DIP2A: variants seen among roughly 807,000 people sequenced by gnomAD.
DIP2A encodes the protein disco-interacting protein 2 homolog A.
Under a neutral mutation model 177.4 loss-of-function variants are expected in DIP2A, and 85 were observed. The observed-to-expected ratio is 0.48, with a 90% confidence interval of 0.40 to 0.57. The LOEUF (loss-of-function observed/expected upper bound fraction) is 0.57, where lower values mean the gene tolerates loss of function less well. DIP2A is among the 20% of genes least tolerant of loss of function. DIP2A has a pLI of 0.00. For missense variants in DIP2A, 1,791 were observed against 2,100.2 expected (o/e 0.85, Z 2.88); for synonymous variants, 886 against 881.8 (o/e 1.00, Z -0.08).
intron 1 of DIP2A, among the ~76,000 whole-genome samples, chr21:46,470,101 G>A (rs1318594203): frequency 6.6e-6 from 1 of 152,176 alleles, no homozygotes; most frequent in Non-Finnish European, 1.5e-5. Context: ...TCTTTGGGAG[G>A]CCAAGGCAGG....
chr21:46,466,954 T>TA (rs1350315860), intron 1 of DIP2A, among the ~76,000 whole-genome samples: 9 of 152,154 alleles, frequency 5.9e-5, no homozygotes, highest in Admixed American at 5.2e-4. Context: ...TTATTTTTAG[T>TA]AAAAAATATT....
At chr21:46,483,663 T>C (rs543343065) in intron 1 of DIP2A, among the ~76,000 whole-genome samples, 1 of 152,226 alleles carries the variant, frequency 6.6e-6, no homozygotes, top group Admixed American at 6.5e-5. Context: ...TGTCAGTCTG[T>C]TCACACAACA....
At chr21:46,473,144 C>T (rs896332322) in intron 1 of DIP2A, among the ~76,000 whole-genome samples, 4 of 152,022 alleles carry the variant, frequency 2.6e-5, no homozygotes, top group African/African-American at 7.3e-5. Context: ...CCACTGCTCT[C>T]GACAAAGGAG....
intron 8 of DIP2A, among the ~76,000 whole-genome samples, chr21:46,527,069 T>C (rs1474110233): frequency 2.0e-5 from 3 of 152,362 alleles, no homozygotes; most frequent in Middle Eastern, 3.4e-3. Flanking sequence ...TTTAAAATCA[T>C]GAATGATTTA....
intron 4 of DIP2A, among the ~76,000 whole-genome samples, chr21:46,497,988 G>A (rs2057446053): frequency 6.6e-6 from 1 of 152,196 alleles, no homozygotes. Flanking sequence ...AAACCTTAAT[G>A]TACAGTTAAT....
rs561931609 is a variant in DIP2A at position 46,462,704 on chromosome 21, C to CTTGGTAGGTTGGAAGAAGAAGCT, written c.91+3484_91+3506dup. 917 of 152,252 alleles carry CTTGGTAGGTTGGAAGAAGAAGCT rather than the reference C, an allele frequency of 6.0e-3. 9 individuals carry two copies. The highest frequency in any genetic ancestry group is 0.021 in the African/African-American group (881 of 41,540). 9.4% of individuals were successfully genotyped at this position (152,252 alleles called of 1,614,324 possible). ...CTAAAACTTAAGAGTTGTCACTGTGCTTGGTAGGTTGGAAGAAGAAGCTTA... is the reference window on the plus strand; with the variant it reads ...CTAAAACTTAAGAGTTGTCACTGTGCTTGGTAGGTTGGAAGAAGAAGCTTTGGTAGGTTGGAAGAAGAAGCTTA... On this transcript the variant is annotated intron_variant, in intron 1 of 37. Coordinates refer to ENST00000417564, the MANE Select transcript of DIP2A (RefSeq NM_015151.4).
chr21:46,489,622 C>T (rs2056893749), intron 2 of DIP2A, among the ~76,000 whole-genome samples: 1 of 152,184 alleles, frequency 6.6e-6, no homozygotes. Flanking sequence ...CACTGACCTG[C>T]CCAGGTTTGA....
At position 46,554,264 on chromosome 21, in the gene DIP2A, G is replaced by A; in HGVS notation, c.3126G>A (p.Gly1042=). The A allele has an allele frequency of 6.2e-7, 1 of 1,613,918 alleles. No homozygotes were observed. The highest frequency in any genetic ancestry group is 8.5e-7 in the Non-Finnish European group (1 of 1,179,842). The change falls in exon 26 of 38, where the codon GGG becomes GGA. Residue 1042 remains glycine (G), a synonymous_variant. Coordinates refer to ENST00000417564, the MANE Select transcript of DIP2A (RefSeq NM_015151.4). ...TGGAGAAGGGAAGACTGAGTGTTGG[G>A]GACCATGTGGCTCTGGTCTACCCAC... ...ALMEKGRLSV[G]DHVALVYPPG...
At chr21:46,571,150 G>A (rs2060959538), downstream of DIP2A, among the ~76,000 whole-genome samples, 1 of 152,198 alleles carries the variant, frequency 6.6e-6, no homozygotes, top group Non-Finnish European at 1.5e-5. Flanking sequence ...AGGCATGCAA[G>A]CCTTCTTATG....
At chr21:46,480,543 G>A (rs765203101) in intron 1 of DIP2A, among the ~76,000 whole-genome samples, 7 of 152,160 alleles carry the variant, frequency 4.6e-5, no homozygotes, top group African/African-American at 1.4e-4. Flanking sequence ...CTGTCTAGTC[G>A]TGGCAGCTGT....
At chr21:46,472,622 G>A (rs2055491211) in intron 1 of DIP2A, among the ~76,000 whole-genome samples, 1 of 152,220 alleles carries the variant, frequency 6.6e-6, no homozygotes, top group South Asian at 2.1e-4. Context: ...TGAAGACAAA[G>A]GGAGGTGAAC....
chr21:46,464,953 ATTC>A (rs1322879707), intron 1 of DIP2A, among the ~76,000 whole-genome samples: 1 of 150,364 alleles, frequency 6.7e-6, no homozygotes, highest in Non-Finnish European at 1.5e-5. Flanking sequence ...AATGATGATA[ATTC>A]TTCTGAACAC....
In DIP2A at chr21:46,549,850, G is replaced by T. The variant is rs750745306; in HGVS notation, c.2602G>T (p.Glu868Ter). 1.2e-6 allele frequency: 2 copies of T among 1,612,862 alleles called. No homozygotes were observed. Among genetic ancestry groups the T allele is most frequent in the Non-Finnish European group, 1.7e-6 (2 of 1,179,984 alleles). Residue 868 changes from glutamate (E) to a stop codon, truncating the protein, a stop_gained, in exon 22 of 38, where the codon GAG becomes TAG. Coordinates refer to ENST00000417564, the MANE Select transcript of DIP2A (RefSeq NM_015151.4). LOFTEE classifies it high-confidence loss of function. Reference protein sequence around the residue: ...VAEQRPDASEEDSFQWMSRVL... With the variant: ...VAEQRPDASE Reference sequence around the variant, plus strand: ...TGAGCAGCGGCCGGATGCCTCGGAGGAGGACAGCTTCCAGTGGATGAGCCG... The same window carrying T: ...TGAGCAGCGGCCGGATGCCTCGGAGTAGGACAGCTTCCAGTGGATGAGCCG...
chr21:46,532,698 G>T (rs1456592870), intron 10 of DIP2A, among the ~76,000 whole-genome samples: 1 of 152,072 alleles, frequency 6.6e-6, no homozygotes, highest in African/African-American at 2.4e-5. Context: ...TAAACGAGAT[G>T]GAAATTATCT....
At chr21:46,480,221 C>T (rs1479612960) in intron 1 of DIP2A, among the ~76,000 whole-genome samples, 1 of 152,104 alleles carries the variant, frequency 6.6e-6, no homozygotes, top group Non-Finnish European at 1.5e-5. Flanking sequence ...GGAGGCCTCA[C>T]AATCATGGCA....
chr21:46,497,212 T>A (rs1339169734), intron 4 of DIP2A, 105 bp downstream of exon 4: 7 of 1,368,224 alleles, frequency 5.1e-6, no homozygotes, highest in Non-Finnish European at 6.8e-6. Context: ...TGGCCTGTAG[T>A]ATAGATTGGA....
In DIP2A at chr21:46,567,499, G is replaced by A. The variant is rs146953731; in HGVS notation, c.4593G>A (p.Val1531=). The A allele has an allele frequency of 0.012, 19,429 of 1,613,942 alleles. 145 individuals carry two copies. Among genetic ancestry groups the A allele is most frequent in the Middle Eastern group, 0.021 (129 of 6,062 alleles). Residue 1531 remains valine, a synonymous_variant, in exon 38 of 38, where the codon GTG becomes GTA. Coordinates refer to ENST00000417564, the MANE Select transcript of DIP2A (RefSeq NM_015151.4). ...AGGAGCACTACCTGGTCGTGGGAGT[G>A]GTGGTCATCGTGGACCCAGGGGTGA... The part of the protein sequence containing the change: ...VLEEHYLVVG[V]VVIVDPGVIP...
At chr21:46,548,423 C>A (rs1302324615) in intron 21 of DIP2A, among the ~76,000 whole-genome samples, 1 of 152,146 alleles carries the variant, frequency 6.6e-6, no homozygotes, top group Non-Finnish European at 1.5e-5. Context: ...TCCCTGTCCC[C>A]ACTAGGGAAG....
intron 1 of DIP2A, among the ~76,000 whole-genome samples, chr21:46,472,275 T>C (rs553178117): frequency 6.6e-6 from 1 of 152,294 alleles, no homozygotes; most frequent in Admixed American, 6.5e-5. Context: ...GATCTTGAGC[T>C]TTCAGTCTCC....
Sources: gnomAD v4.1 joint callset for allele counts (sites outside exome capture counted in the v4.1 genomes callset) on GRCh38, gnomAD v4.1.1 for gene constraint, MANE v1.5 for transcripts, NCBI Gene and HGNC (gene_info 2026-07-23, HGNC 2026-07-21) for gene names.